The following PTPRT variants were observed in gnomAD, a reference collection of about 807,000 sequenced individuals.
PTPRT encodes receptor-type tyrosine-protein phosphatase T.
Under a neutral mutation model 176.8 loss-of-function variants are expected in PTPRT, and 56 were observed. That is an observed-to-expected ratio of 0.32 (90% CI 0.26 to 0.40). The LOEUF (loss-of-function observed/expected upper bound fraction) is 0.40, where lower values mean the gene tolerates loss of function less well. Ranked by LOEUF, PTPRT falls within the 10% of genes least tolerant of loss-of-function variation. PTPRT has a pLI of 1.00. For missense variants in PTPRT, 1,540 were observed against 1,908.2 expected, an observed-to-expected ratio of 0.81 and a Z score of 3.60; for synonymous variants, 783 against 739.0, an observed-to-expected ratio of 1.06 and a Z score of -0.96.
intron 11 of PTPRT, among the ~76,000 whole-genome samples, chr20:42,330,131 T>A (rs183544737): frequency 3.3e-4 from 50 of 152,286 alleles, no homozygotes; most frequent in African/African-American, 1.2e-3. Context: ...AAGTATAATT[T>A]CAATCAGTCA....
At chr20:42,737,483 T>G (rs1406932980) in intron 6 of PTPRT, among the ~76,000 whole-genome samples, 1 of 151,914 alleles carries the variant, frequency 6.6e-6, no homozygotes, top group African/African-American at 2.4e-5. Flanking sequence ...ATGCAAAAAT[T>G]AGCCGGGCAT....
intron 7 of PTPRT, among the ~76,000 whole-genome samples, chr20:42,485,254 G>C (rs749441966): frequency 6.6e-6 from 1 of 152,166 alleles, no homozygotes; most frequent in Non-Finnish European, 1.5e-5. Flanking sequence ...ATCTGGGTTA[G>C]TTTCACTTCA....
At chr20:42,420,818 G>A (rs1600995164) in intron 9 of PTPRT, among the ~76,000 whole-genome samples, 2 of 152,196 alleles carry the variant, frequency 1.3e-5, no homozygotes, top group Non-Finnish European at 2.9e-5. Flanking sequence ...ACATTTGGGG[G>A]TGTTGCAGAG....
At chr20:42,760,260 A>G (rs1273554846) in intron 5 of PTPRT, among the ~76,000 whole-genome samples, 2 of 152,034 alleles carry the variant, frequency 1.3e-5, no homozygotes, top group Admixed American at 1.3e-4. Flanking sequence ...CACTAAAAGC[A>G]TGCATTCCAC....
At chr20:43,090,459 A>G (rs2425582) in intron 1 of PTPRT, among the ~76,000 whole-genome samples, 13,732 of 152,068 alleles carry the variant, frequency 0.09, 667 homozygotes, top group Middle Eastern at 0.12. Flanking sequence ...TAGTAGAGAC[A>G]GGGTTTCACC....
intron 2 of PTPRT, among the ~76,000 whole-genome samples, chr20:42,841,970 T>A (rs1220513029): frequency 1.3e-5 from 2 of 152,204 alleles, no homozygotes; most frequent in African/African-American, 2.4e-5. Context: ...CACTTCATCA[T>A]CAGTCCCAAA....
chr20:42,449,018 G>C (rs574198669), intron 8 of PTPRT, among the ~76,000 whole-genome samples: 1 of 152,264 alleles, frequency 6.6e-6, no homozygotes, highest in East Asian at 1.9e-4. Flanking sequence ...TGCAAAGTGA[G>C]CTTCCCATCA....
At position 42,533,002 on chromosome 20, in the gene PTPRT, C is replaced by T. The variant is rs570350223; in HGVS notation, c.1154-60440G>A. 2.0e-5 allele frequency among the ~76,000 whole-genome samples: 3 copies of T among 152,246 alleles called. No homozygotes were observed. In the South Asian group the frequency reaches 6.2e-4, roughly 32 times the overall value. On this transcript the variant is annotated intron_variant, in intron 7 of 30. Coordinates refer to ENST00000373187, the MANE Select transcript of PTPRT (RefSeq NM_007050.6). Reference sequence around the variant, plus strand: ...GGGAGAGTTATGGGAGCCCCAGCAGCGCCTTTTAATGCAACTGGATTAATT... The same window carrying T: ...GGGAGAGTTATGGGAGCCCCAGCAGTGCCTTTTAATGCAACTGGATTAATT...
At chr20:42,330,868 A>G (rs1326844524) in intron 11 of PTPRT, among the ~76,000 whole-genome samples, 2 of 152,212 alleles carry the variant, frequency 1.3e-5, no homozygotes, top group Non-Finnish European at 2.9e-5. Context: ...TCACCTAAAA[A>G]GAAATGTGTT....
At chr20:42,071,768 C>A (rs1272471316), downstream of PTPRT, among the ~76,000 whole-genome samples, 1 of 152,196 alleles carries the variant, frequency 6.6e-6, no homozygotes, top group African/African-American at 2.4e-5. Context: ...GCAATCCACT[C>A]ACCTCAGCCT....
intron 1 of PTPRT, among the ~76,000 whole-genome samples, chr20:42,960,715 C>A (rs1054417078): frequency 6.6e-6 from 1 of 152,236 alleles, no homozygotes; most frequent in African/African-American, 2.4e-5. Context: ...CCTTAAGCAA[C>A]TGGGTTGCTA....
intron 22 of PTPRT, 76 bp from the exon 23 acceptor site, chr20:42,110,563 C>T (rs1209269819): frequency 6.8e-7 from 1 of 1,466,610 alleles, no homozygotes; most frequent in African/African-American, 1.4e-5. Flanking sequence ...GGAGCCATAG[C>T]TGCTGCACTG....
chr20:42,711,993 G>A (rs1255444309), intron 6 of PTPRT, among the ~76,000 whole-genome samples: 3 of 151,938 alleles, frequency 2.0e-5, no homozygotes, highest in Admixed American at 6.6e-5. Context: ...TTGATGCCTG[G>A]ATAACCCAAC....
chr20:43,187,918 CG>C (rs1295575999), intron 1 of PTPRT, among the ~76,000 whole-genome samples: 2 of 152,200 alleles, frequency 1.3e-5, no homozygotes, highest in African/African-American at 4.8e-5. Flanking sequence ...TAGTTGTGGG[CG>C]AGCGCCACCT....
chr20:42,876,363 G>T (rs2078930961), intron 2 of PTPRT, among the ~76,000 whole-genome samples: 1 of 152,086 alleles, frequency 6.6e-6, no homozygotes, highest in Non-Finnish European at 1.5e-5. Context: ...GGAAGAGTAG[G>T]TCAATCTGAG....
intron 11 of PTPRT, among the ~76,000 whole-genome samples, chr20:42,340,134 G>C (rs537312110): frequency 1.3e-5 from 2 of 152,308 alleles, no homozygotes; most frequent in South Asian, 4.1e-4. Context: ...TTGGGTACTT[G>C]AGATGTGGCT....
At chr20:42,367,954 C>T (rs549636370) in intron 9 of PTPRT, among the ~76,000 whole-genome samples, 1 of 152,186 alleles carries the variant, frequency 6.6e-6, no homozygotes, top group Non-Finnish European at 1.5e-5. Flanking sequence ...AAGGTAACAG[C>T]TCCAACTCAG....
intron 25 of PTPRT, among the ~76,000 whole-genome samples, chr20:42,103,706 G>A (rs1986162263): frequency 6.6e-6 from 1 of 152,222 alleles, no homozygotes. Context: ...TTAGCAGTAA[G>A]AGTCTACTGA....
intron 7 of PTPRT, among the ~76,000 whole-genome samples, chr20:42,626,051 G>A (rs952379577): frequency 1.3e-4 from 20 of 151,814 alleles, no homozygotes; most frequent in African/African-American, 3.9e-4. Flanking sequence ...AACACTTTTC[G>A]ATATCAGCTA....
Sources: gnomAD v4.1 joint callset for allele counts (sites outside exome capture counted in the v4.1 genomes callset) on GRCh38, gnomAD v4.1.1 for gene constraint, MANE v1.5 for transcripts, NCBI Gene and HGNC (gene_info 2026-07-23, HGNC 2026-07-21) for gene names.